Variants in ABCC5 observed in about 807,000 individuals in gnomAD.
The protein encoded by ABCC5 is ATP-binding cassette sub-family C member 5.
ABCC5 carries 61 observed loss-of-function variants against 160.9 expected under a neutral mutation model. That is an observed-to-expected ratio of 0.38 (90% CI 0.31 to 0.47). The LOEUF is 0.47. Ranked by LOEUF, ABCC5 falls within the 20% of genes least tolerant of loss-of-function variation. The probability of loss-of-function intolerance (pLI) is 0.99; values close to 1 mark genes in which losing one functional copy is unlikely to be tolerated. For synonymous variants in ABCC5, 666 were observed against 700.6 expected, an observed-to-expected ratio of 0.95 and a Z score of 0.78; for missense variants, 1,308 against 1,813.3, an observed-to-expected ratio of 0.72 and a Z score of 5.06.
At chr3:183,959,082 C>G (rs1388824183) in intron 17 of ABCC5, among the ~76,000 whole-genome samples, 1 of 148,758 alleles carries the variant, frequency 6.7e-6, no homozygotes, top group Admixed American at 6.7e-5. Context: ...CACACACACA[C>G]AGTGTTTGTG....
intron 2 of ABCC5, chr3:184,001,291 A>G: frequency 6.2e-6 from 3 of 484,506 alleles, no homozygotes; most frequent in South Asian, 4.1e-5. Context: ...TTTAAATAAT[A>G]TATTTCATTT....
At chr3:184,014,135 A>C in intron 2 of ABCC5, 129 bp downstream of exon 2, 1 of 697,874 alleles carries the variant, frequency 1.4e-6, no homozygotes, top group Non-Finnish European at 2.3e-6. Flanking sequence ...AGCCTCCCAA[A>C]GTGCTGGGTT....
At chr3:183,957,407 T>C (rs1279954401) in intron 17 of ABCC5, among the ~76,000 whole-genome samples, 5 of 119,236 alleles carry the variant, frequency 4.2e-5, no homozygotes, top group East Asian at 3.5e-4. Context: ...TCCGTGTGTA[T>C]ATCACATCGG....
intron 1 of ABCC5, among the ~76,000 whole-genome samples, chr3:184,016,162 G>A (rs1314798819): frequency 6.6e-6 from 1 of 152,174 alleles, no homozygotes; most frequent in African/African-American, 2.4e-5. Context: ...GAGAGGCAGG[G>A]ACAAAACGAC....
chr3:183,956,580 C>T (rs1439798102), intron 17 of ABCC5, among the ~76,000 whole-genome samples: 1 of 149,574 alleles, frequency 6.7e-6, no homozygotes, highest in South Asian at 2.1e-4. Flanking sequence ...GTGTATATCA[C>T]ATCGGTTACA....
chr3:183,953,332 C>G, intron 17 of ABCC5, 62 bp from the exon 18 acceptor site: 2 of 1,476,516 alleles, frequency 1.4e-6, no homozygotes, highest in Non-Finnish European at 1.8e-6. Flanking sequence ...AAAACTAAGT[C>G]ACCTGCAGAG....
intron 23 of ABCC5, among the ~76,000 whole-genome samples, chr3:183,946,419 G>A (rs1363310877): frequency 6.6e-6 from 1 of 152,180 alleles, no homozygotes; most frequent in Non-Finnish European, 1.5e-5. Context: ...ATAATGCATT[G>A]TCTTCCCCAA....
Position 183,951,617 on chromosome 3 carries a change from T to C in ABCC5, c.2815-47A>G. ...GGTCAGGGCCCAGGGACGGCTCTGT[T>C]CCTACTGGTCCAGAGAACCGCTCCG... On this transcript the variant is annotated intron_variant, in intron 19 of 29. Coordinates refer to ENST00000334444, the MANE Select transcript of ABCC5 (RefSeq NM_005688.4). The surrounding 1 kb of genome is among the most constrained non-coding windows in gnomAD (Gnocchi z 4.7). The C allele has an allele frequency of 1.3e-6, 2 of 1,599,684 alleles. No homozygotes were observed. The highest frequency in any genetic ancestry group is 1.7e-6 in the Non-Finnish European group (2 of 1,172,672).
intron 25 of ABCC5, among the ~76,000 whole-genome samples, chr3:183,940,988 A>G (rs1714285195): frequency 6.6e-6 from 1 of 152,104 alleles, no homozygotes; most frequent in South Asian, 2.1e-4. Context: ...CCTCCCGAGT[A>G]GCTGGAATTA....
At position 183,988,621 on chromosome 3, in the gene ABCC5, C is replaced by T. The variant is rs1719440781; in HGVS notation, c.394G>A (p.Asp132Asn). Reference sequence around the variant, plus strand: ...TCGTGCTTGGACAGAGACCACACGTCTTCCATTGAGAGCTCCCCCTTCTTG... The same window carrying T: ...TCGTGCTTGGACAGAGACCACACGTTTTCCATTGAGAGCTCCCCCTTCTTG... ...AHKKGELSME[D>N]VWSLSKHESS... is the part of the protein sequence containing the mutation. The change falls in exon 4 of 30, where the codon GAC becomes AAC. Residue 132 changes from aspartate (D) to asparagine (N), a missense_variant. Physicochemically the swap from Asp to Asn is conservative, Grantham distance 23. Around this residue, in one of 3 missense-constraint regions of ABCC5, gnomAD observed 1,142 missense variants for 1,527.1 expected, o/e 0.75. Transcript: ENST00000334444. The surrounding 1 kb of genome is among the most constrained non-coding windows in gnomAD (Gnocchi z 4.4). 6.2e-7 allele frequency: 1 copy of T among 1,614,146 alleles called. No individual in the cohort carries two copies. Among genetic ancestry groups the T allele is most frequent in the South Asian group, 1.1e-5 (1 of 91,094 alleles).
At chr3:183,978,715 C>T (rs1718440498) in intron 8 of ABCC5, 64 bp from the exon 9 acceptor site, 1 of 1,563,436 alleles carries the variant, frequency 6.4e-7, no homozygotes, top group African/African-American at 1.4e-5. Context: ...GTTGTTCCTC[C>T]ACCTCCAAAC....
intron 5 of ABCC5, chr3:183,985,513 T>C (rs1719130748): frequency 3.7e-6 from 3 of 805,298 alleles, no homozygotes; most frequent in Admixed American, 1.7e-5. Flanking sequence ...GGTTTTACAC[T>C]GTCCTTTCCC....
intron 2 of ABCC5, among the ~76,000 whole-genome samples, chr3:183,990,202 C>A (rs547347399): frequency 9.9e-5 from 15 of 151,966 alleles, no homozygotes; most frequent in African/African-American, 3.6e-4. Flanking sequence ...TCAGCCTCCC[C>A]GGTTCAAGCA....
At chr3:183,970,722 C>A (rs1717661036) in intron 11 of ABCC5, among the ~76,000 whole-genome samples, 1 of 152,196 alleles carries the variant, frequency 6.6e-6, no homozygotes, top group Non-Finnish European at 1.5e-5. Context: ...CAGGCATGAG[C>A]CACCATGCCC....
intron 10 of ABCC5, among the ~76,000 whole-genome samples, chr3:183,972,926 G>A (rs1052513185): frequency 2.2e-4 from 34 of 152,136 alleles, no homozygotes; most frequent in Admixed American, 1.9e-3. Flanking sequence ...GATTACAGGC[G>A]TGAGCCACCG....
At chr3:183,985,499 T>A in intron 5 of ABCC5, 1 of 851,714 alleles carries the variant, frequency 1.2e-6, no homozygotes, top group Non-Finnish European at 2.0e-6. Context: ...CTTACCTCTC[T>A]AAGGGTTTTA....
chr3:183,946,768 T>C (rs886455161), intron 23 of ABCC5, among the ~76,000 whole-genome samples: 1 of 152,044 alleles, frequency 6.6e-6, no homozygotes, highest in Non-Finnish European at 1.5e-5. Context: ...ATAATTCCAA[T>C]ACCATTATTT....
At chr3:183,955,256 C>T (rs1479747871) in intron 17 of ABCC5, among the ~76,000 whole-genome samples, 2 of 152,162 alleles carry the variant, frequency 1.3e-5, no homozygotes, top group Non-Finnish European at 2.9e-5. Flanking sequence ...TTCCAGGGCC[C>T]TGCTATCTGT....
At position 183,963,354 on chromosome 3, in the gene ABCC5, G is replaced by C; in HGVS notation, c.2235+31C>G. 6.2e-7 allele frequency: 1 copy of C among 1,611,714 alleles called. No individual in the cohort carries two copies. On this transcript the variant is annotated intron_variant, in intron 15 of 29. Coordinates refer to ENST00000334444, the MANE Select transcript of ABCC5 (RefSeq NM_005688.4). This position sits in a 1 kb window ranked among gnomAD's most constrained non-coding sequence, Gnocchi z 4.6. ...CCCTGTTTCTGATTTCCCAAACTCAGGCAGGCAGCCGAGGGAAGAAAGAAC... is the reference window on the plus strand; with the variant it reads ...CCCTGTTTCTGATTTCCCAAACTCACGCAGGCAGCCGAGGGAAGAAAGAAC...
Sources: allele counts gnomAD v4.1 joint callset (sites outside exome capture counted in the v4.1 genomes callset), GRCh38; gene constraint gnomAD v4.1.1; regional missense constraint gnomAD v4.1.1; non-coding constraint Gnocchi (gnomAD v3.1); transcripts MANE v1.5; gene names NCBI Gene and HGNC (gene_info 2026-07-23, HGNC 2026-07-21).